Variants in BCAS3 observed in about 807,000 individuals in gnomAD.
The protein encoded by BCAS3 is BCAS3 microtubule associated cell migration factor, also known as BCAS4/BCAS3 fusion.
BCAS3 carries 53 observed loss-of-function variants against 116.1 expected under a neutral mutation model. The ratio of observed to expected loss-of-function variants is 0.46; its 90% CI spans 0.37 to 0.57. The LOEUF (loss-of-function observed/expected upper bound fraction) is 0.57, where lower values mean the gene tolerates loss of function less well. Among genes scored for constraint, BCAS3 ranks in the 20% least tolerant of loss-of-function variants. The pLI, the probability that BCAS3 is intolerant of heterozygous loss-of-function variation, is 0.00. For missense variants in BCAS3, 917 were observed against 1,165.4 expected (o/e 0.79, Z 3.10); for synonymous variants, 391 against 408.2 (o/e 0.96, Z 0.51).
rs1463508422 is a variant in BCAS3 at position 61,380,261 on chromosome 17, G to A, written c.2594-11716G>A. The A allele has an allele frequency of 1.8e-6, 1 of 546,840 alleles. No individual in the cohort carries two copies. The highest frequency in any genetic ancestry group is 1.9e-5 in the African/African-American group (1 of 52,776). The allele number at this position is 546,840 out of a possible 1,614,324, so 33.9% of individuals were successfully genotyped here. ...CCAGCCCTGTGCAGCAGGCAGGAGT[G>A]TAGGAACTCAGGCAGCTGGACTGGG... On this transcript the variant is annotated intron_variant, in intron 23 of 23. Transcript: ENST00000407086. This position sits in a 1 kb window ranked among gnomAD's most constrained non-coding sequence, Gnocchi z 4.2.
At chr17:60,814,292 T>C (rs1281691173) in intron 7 of BCAS3, among the ~76,000 whole-genome samples, 9 of 125,348 alleles carry the variant, frequency 7.2e-5, no homozygotes, top group African/African-American at 1.8e-4. Flanking sequence ...TGTGTGTGTG[T>C]GTGTGTGTGT....
At chr17:60,707,584 A>T (rs2037329441) in intron 4 of BCAS3, among the ~76,000 whole-genome samples, 1 of 152,234 alleles carries the variant, frequency 6.6e-6, no homozygotes, top group Admixed American at 6.5e-5. Context: ...TTTTAAGTTT[A>T]GGCATCTTTG....
At chr17:60,762,871 C>T (rs566432535) in intron 6 of BCAS3, among the ~76,000 whole-genome samples, 40,220 of 150,020 alleles carry the variant, frequency 0.27, 10,937 homozygotes, top group African/African-American at 0.71. Flanking sequence ...CTCTTTTATT[C>T]CGTTGAGCAG....
At chr17:61,120,376 C>T (rs527340449) in intron 22 of BCAS3, among the ~76,000 whole-genome samples, 1 of 152,160 alleles carries the variant, frequency 6.6e-6, no homozygotes, top group South Asian at 2.1e-4. Context: ...GTTGTAAATG[C>T]GATATCAGCT....
rs1311277689 is a variant in BCAS3, at chr17:61,200,615, T to A, written c.2425+116051T>A. Among the ~76,000 whole-genome samples, 1 of 152,248 alleles carries A rather than the reference T, an allele frequency of 6.6e-6. No individual in the cohort carries two copies. The highest frequency in any genetic ancestry group is 2.4e-5 in the African/African-American group (1 of 41,466). ...CATTAGGACTAGAGCGTATTTCTTT[T>A]GATTATCAATGCGGGTGGTAGTGAG... On this transcript the variant is annotated intron_variant, in intron 22 of 23. Coordinates refer to ENST00000407086, the MANE Select transcript of BCAS3 (RefSeq NM_017679.5). The surrounding 1 kb of genome is among the most constrained non-coding windows in gnomAD (Gnocchi z 5.1).
Position 61,313,510 on chromosome 17 carries a change from T to A in BCAS3, c.2426-54817T>A, listed in dbSNP as rs1390589322. On this transcript the variant is annotated intron_variant, in intron 22 of 23. Coordinates refer to ENST00000407086, the MANE Select transcript of BCAS3 (RefSeq NM_017679.5). The surrounding 1 kb of genome is among the most constrained non-coding windows in gnomAD (Gnocchi z 4.3). ...GAATTGCTGATCTCAAGCATTTTGT[T>A]ACCAGAATAACCCCACAGGAGAGGC... Among the ~76,000 whole-genome samples the A allele has an allele frequency of 6.6e-6, 1 of 152,224 alleles. No homozygotes were observed. Among genetic ancestry groups the A allele is most frequent in the East Asian group, 1.9e-4 (1 of 5,194 alleles).
chr17:60,972,682 C>T (rs1452371675), intron 14 of BCAS3, among the ~76,000 whole-genome samples: 1 of 151,974 alleles, frequency 6.6e-6, no homozygotes, highest in African/African-American at 2.4e-5. Flanking sequence ...GAATCCATGG[C>T]CTCAAGAGAT....
intron 22 of BCAS3, among the ~76,000 whole-genome samples, chr17:61,114,778 C>T (rs1474661783): frequency 2.0e-5 from 3 of 149,428 alleles, no homozygotes; most frequent in African/African-American, 4.9e-5. Context: ...GCCCGCATCG[C>T]CAAGGCAATC....
intron 16 of BCAS3, among the ~76,000 whole-genome samples, chr17:61,030,748 G>A (rs2066574137): frequency 6.6e-6 from 1 of 151,864 alleles, no homozygotes; most frequent in Non-Finnish European, 1.5e-5. Context: ...TAGTAAATAT[G>A]ATGTTTTATG....
rs1174393120 is a variant in BCAS3, at chr17:61,211,236, C to T, written c.2425+126672C>T. Reference sequence around the variant, plus strand: ...CCACTCTGTAATCAGTAATCATTGTCTGGTGTGTTCAGATGATAATCCAGT... The same window carrying T: ...CCACTCTGTAATCAGTAATCATTGTTTGGTGTGTTCAGATGATAATCCAGT... On this transcript the variant is annotated intron_variant, in intron 22 of 23. Coordinates refer to ENST00000407086, the MANE Select transcript of BCAS3 (RefSeq NM_017679.5). The surrounding 1 kb of genome is among the most constrained non-coding windows in gnomAD (Gnocchi z 4.4). 1.3e-5 allele frequency among the ~76,000 whole-genome samples: 2 copies of T among 152,218 alleles called. No homozygotes were observed. Among genetic ancestry groups the T allele is most frequent in the African/African-American group, 4.8e-5 (2 of 41,458 alleles).
intron 22 of BCAS3, among the ~76,000 whole-genome samples, chr17:61,091,217 C>T (rs969967341): frequency 6.6e-6 from 1 of 152,164 alleles, no homozygotes; most frequent in Non-Finnish European, 1.5e-5. Flanking sequence ...TAAATCTTTC[C>T]TAAGCATTTT....
intron 22 of BCAS3, among the ~76,000 whole-genome samples, chr17:61,319,326 AC>A (rs1336167304): frequency 6.6e-6 from 1 of 152,108 alleles, no homozygotes; most frequent in Non-Finnish European, 1.5e-5. Flanking sequence ...GTGATATGAC[AC>A]CCCCTACATT....
chr17:60,889,399 C>T lies in BCAS3; in HGVS notation c.662-296C>T, dbSNP rs1231594826. Among the ~76,000 whole-genome samples the T allele has an allele frequency of 2.0e-5, 3 of 152,174 alleles. 1 individual carries two copies. Among genetic ancestry groups the T allele is most frequent in the Non-Finnish European group, 4.4e-5 (3 of 68,038 alleles). ...AGACTTAAAATGGCCCTGTTAACTT[C>T]ATTCTCATGTTTAGGAATAACTGTA... On this transcript the variant is annotated intron_variant, in intron 9 of 23. Coordinates refer to ENST00000407086, the MANE Select transcript of BCAS3 (RefSeq NM_017679.5).
chr17:61,292,587 G>A (rs2052532220), intron 22 of BCAS3, among the ~76,000 whole-genome samples: 1 of 152,128 alleles, frequency 6.6e-6, no homozygotes, highest in African/African-American at 2.4e-5. Flanking sequence ...AGGAGGCAGA[G>A]GTTGCAGTGA....
Position 61,380,367 on chromosome 17 carries a change from C to T in BCAS3, c.2594-11610C>T. The stretch of plus-strand genomic sequence containing the variant: ...ACCCTAGATGTGCTGTGCCTGGGAA[C>T]AGACCATGAACACCCCCGCAAAGCT... On this transcript the variant is annotated intron_variant, in intron 23 of 23. Transcript: ENST00000407086. This position sits in a 1 kb window ranked among gnomAD's most constrained non-coding sequence, Gnocchi z 4.2. The T allele has an allele frequency of 1.4e-6, 1 of 722,448 alleles. No homozygotes were observed. Among genetic ancestry groups the T allele is most frequent in the African/African-American group, 1.7e-5 (1 of 57,208 alleles). 44.8% of individuals were successfully genotyped at this position (722,448 alleles called of 1,614,324 possible).
intron 12 of BCAS3, among the ~76,000 whole-genome samples, chr17:60,911,686 C>T (rs374777051): frequency 2.0e-5 from 3 of 151,650 alleles, no homozygotes; most frequent in Admixed American, 6.6e-5. Flanking sequence ...ATGCCCGTCT[C>T]GGCCTCCCAA....
chr17:61,005,945 C>T (rs1364938597), intron 15 of BCAS3, among the ~76,000 whole-genome samples: 5 of 152,018 alleles, frequency 3.3e-5, no homozygotes, highest in African/African-American at 1.2e-4. Flanking sequence ...TATCCCTCCC[C>T]CTTCCCCCCA....
In BCAS3 at chr17:61,085,132, G is replaced by A. The variant is rs138006250; in HGVS notation, c.2425+568G>A. Among the ~76,000 whole-genome samples, 37 of 152,194 alleles carry A rather than the reference G, an allele frequency of 2.4e-4. No homozygotes were observed. The East Asian group carries it at 4.4e-3, about 18-fold the overall frequency. ...GAGATCTTTGCCTTTATAGGTGATCGTTGCTCCATTAGTATTATAAAACTT... is the reference window on the plus strand; with the variant it reads ...GAGATCTTTGCCTTTATAGGTGATCATTGCTCCATTAGTATTATAAAACTT... On this transcript the variant is annotated intron_variant, in intron 22 of 23. Transcript: ENST00000407086.
rs980175661 is a variant in BCAS3 at position 61,188,037 on chromosome 17, G to A, written c.2425+103473G>A. On this transcript the variant is annotated intron_variant, in intron 22 of 23. Coordinates refer to ENST00000407086, the MANE Select transcript of BCAS3 (RefSeq NM_017679.5). This position sits in a 1 kb window ranked among gnomAD's most constrained non-coding sequence, Gnocchi z 4.0. ...TTAACTTTTTCTAAAATTTAAAAAT[G>A]TTCCTGTCTTTAACATTCATCTTCC... is the stretch of plus-strand genomic sequence containing the variant. Among the ~76,000 whole-genome samples the A allele has an allele frequency of 1.3e-5, 2 of 151,994 alleles. No individual in the cohort carries two copies. The highest frequency in any genetic ancestry group is 4.8e-5 in the African/African-American group (2 of 41,366).
Sources: gnomAD v4.1 joint callset for allele counts (sites outside exome capture counted in the v4.1 genomes callset) on GRCh38, gnomAD v4.1.1 for gene constraint, Gnocchi (gnomAD v3.1) non-coding constraint, MANE v1.5 for transcripts, NCBI Gene and HGNC (gene_info 2026-07-23, HGNC 2026-07-21) for gene names.